Variants in LHFPL3 observed in about 807,000 individuals in gnomAD.
The protein encoded by LHFPL3 is LHFPL tetraspan subfamily member 3.
A neutral mutation model predicts 19.3 loss-of-function variants in LHFPL3; 5 were observed. The ratio of observed to expected loss-of-function variants is 0.26; its 90% CI spans 0.14 to 0.54. LHFPL3 has a LOEUF of 0.54. LHFPL3 is among the 20% of genes least tolerant of loss of function. The pLI is 0.94. For missense variants in LHFPL3, 249 were observed against 307.4 expected (o/e 0.81, Z 1.42); for synonymous variants, 133 against 126.2 (o/e 1.05, Z -0.36).
chr7:104,568,784 T>A (rs1255955897), intron 1 of LHFPL3, among the ~76,000 whole-genome samples: 2 of 152,192 alleles, frequency 1.3e-5, no homozygotes, highest in African/African-American at 4.8e-5. Flanking sequence ...GTGGTGCCCT[T>A]CCAGAGGTCA....
chr7:104,658,943 G>A (rs1350100545), intron 1 of LHFPL3, among the ~76,000 whole-genome samples: 2 of 152,240 alleles, frequency 1.3e-5, no homozygotes, highest in African/African-American at 4.8e-5. Flanking sequence ...TGGAAGAGAT[G>A]AAGGAGTGAG....
chr7:104,746,679 G>A (rs777494281), intron 2 of LHFPL3, among the ~76,000 whole-genome samples: 8 of 152,186 alleles, frequency 5.3e-5, no homozygotes, highest in South Asian at 2.1e-4. Flanking sequence ...CTAGCTCTGT[G>A]AGTTTGGGCA....
chr7:104,890,966 G>T (rs1792232330), intron 2 of LHFPL3, among the ~76,000 whole-genome samples: 1 of 152,024 alleles, frequency 6.6e-6, no homozygotes, highest in East Asian at 1.9e-4. Context: ...GTCACTGAAG[G>T]TTTCATTTCT....
At chr7:104,603,614 C>T (rs997477829) in intron 1 of LHFPL3, among the ~76,000 whole-genome samples, 1 of 152,152 alleles carries the variant, frequency 6.6e-6, no homozygotes, top group East Asian at 1.9e-4. Flanking sequence ...TAAAATCCCT[C>T]CATCTGTGAA....
At chr7:104,534,198 C>A (rs1794353794) in intron 1 of LHFPL3, among the ~76,000 whole-genome samples, 1 of 152,174 alleles carries the variant, frequency 6.6e-6, no homozygotes, top group African/African-American at 2.4e-5. Context: ...CTTTCCTTTG[C>A]TTAAAACCCA....
At chr7:104,374,094 T>G (rs935243022) in intron 1 of LHFPL3, among the ~76,000 whole-genome samples, 1 of 152,018 alleles carries the variant, frequency 6.6e-6, no homozygotes, top group Non-Finnish European at 1.5e-5. Flanking sequence ...AGATAGGAAT[T>G]TGAGCAAGAT....
At chr7:104,499,438 G>A (rs1793554334) in intron 1 of LHFPL3, among the ~76,000 whole-genome samples, 1 of 152,176 alleles carries the variant, frequency 6.6e-6, no homozygotes, top group Admixed American at 6.5e-5. Context: ...TGTTAAGGTT[G>A]CAATGAAGCA....
intron 1 of LHFPL3, among the ~76,000 whole-genome samples, chr7:104,510,989 C>G (rs1045638086): frequency 1.3e-5 from 2 of 152,014 alleles, no homozygotes; most frequent in Non-Finnish European, 2.9e-5. Flanking sequence ...ATCTGTACAA[C>G]AAACCCCCAT....
intron 2 of LHFPL3, among the ~76,000 whole-genome samples, chr7:104,826,129 A>G (rs1790813709): frequency 6.6e-6 from 1 of 151,956 alleles, no homozygotes; most frequent in Admixed American, 6.5e-5. Context: ...TCTTAAAGCT[A>G]TTTGAGGGAG....
chr7:104,364,306 G>C (rs1450817334), intron 1 of LHFPL3, among the ~76,000 whole-genome samples: 1 of 152,194 alleles, frequency 6.6e-6, no homozygotes, highest in Non-Finnish European at 1.5e-5. Flanking sequence ...TCAGCATGTG[G>C]TCCAGCAAAT....
chr7:104,477,078 A>G (rs1793036646), intron 1 of LHFPL3, among the ~76,000 whole-genome samples: 1 of 151,378 alleles, frequency 6.6e-6, no homozygotes, highest in African/African-American at 2.4e-5. Context: ...GAAGCCTCCA[A>G]CTCCAGGGCT....
At chr7:104,831,898 A>G (rs1326410054) in intron 2 of LHFPL3, among the ~76,000 whole-genome samples, 1 of 151,956 alleles carries the variant, frequency 6.6e-6, no homozygotes, top group Non-Finnish European at 1.5e-5. Flanking sequence ...GAGGGTTAAT[A>G]ATACCTGCCT....
chr7:104,598,604 T>TCTG (rs1337729181), intron 1 of LHFPL3, among the ~76,000 whole-genome samples: 1 of 152,194 alleles, frequency 6.6e-6, no homozygotes, highest in Non-Finnish European at 1.5e-5. Flanking sequence ...AACAATAATG[T>TCTG]CTGCTTATAA....
intron 1 of LHFPL3, among the ~76,000 whole-genome samples, chr7:104,403,572 C>T (rs1380471653): frequency 2.6e-5 from 4 of 152,188 alleles, no homozygotes; most frequent in African/African-American, 9.7e-5. Context: ...TCTTTGTATA[C>T]ATTTGTAATT....
At chr7:104,416,991 G>A (rs1791634939) in intron 1 of LHFPL3, among the ~76,000 whole-genome samples, 1 of 152,210 alleles carries the variant, frequency 6.6e-6, no homozygotes, top group Non-Finnish European at 1.5e-5. Context: ...CATGCAGACA[G>A]ATACCTGGTG....
At chr7:104,642,551 G>A (rs182301625) in intron 1 of LHFPL3, among the ~76,000 whole-genome samples, 1 of 152,266 alleles carries the variant, frequency 6.6e-6, no homozygotes, top group East Asian at 1.9e-4. Context: ...AATTTCTAGA[G>A]CTCAGTATAA....
chr7:104,788,121 C>G (rs578194239), intron 2 of LHFPL3, among the ~76,000 whole-genome samples: 3 of 152,102 alleles, frequency 2.0e-5, no homozygotes, highest in African/African-American at 7.2e-5. Flanking sequence ...TCTGCTCACG[C>G]GTGGGGGAAA....
At chr7:104,898,470 G>GTTTT (rs1792411639) in intron 2 of LHFPL3, among the ~76,000 whole-genome samples, 1 of 152,070 alleles carries the variant, frequency 6.6e-6, no homozygotes, top group African/African-American at 2.4e-5. Context: ...TAATTAATTG[G>GTTTT]TTTTATACAA....
At chr7:104,812,563 G>A (rs1431267766) in intron 2 of LHFPL3, among the ~76,000 whole-genome samples, 2 of 151,926 alleles carry the variant, frequency 1.3e-5, no homozygotes, top group African/African-American at 2.4e-5. Context: ...ACTTTGGAAG[G>A]CATAACTGGG....
Sources: gnomAD v4.1 joint callset for allele counts (sites outside exome capture counted in the v4.1 genomes callset) on GRCh38, gnomAD v4.1.1 for gene constraint, MANE v1.5 for transcripts, NCBI Gene and HGNC (gene_info 2026-07-23, HGNC 2026-07-21) for gene names.